The following RRP1 variants were observed in gnomAD, a reference collection of about 807,000 sequenced individuals.
The protein encoded by RRP1 is ribosomal RNA processing protein 1 homolog A.
Under a neutral mutation model 54.6 loss-of-function variants are expected in RRP1, and 37 were observed. The ratio of observed to expected loss-of-function variants is 0.68; its 90% CI spans 0.52 to 0.89. RRP1 has a LOEUF of 0.89. Among genes scored for constraint, RRP1 ranks in the 40% least tolerant of loss-of-function variants. The probability of loss-of-function intolerance (pLI) is 0.00; values close to 1 mark genes in which losing one functional copy is unlikely to be tolerated. For synonymous variants in RRP1, 262 were observed against 244.3 expected (o/e 1.07, Z -0.67); for missense variants, 639 against 612.5 (o/e 1.04, Z -0.46).
chr21:43,791,466 G>T, intron 2 of RRP1, 34 bp downstream of exon 2: 1 of 1,598,716 alleles, frequency 6.3e-7, no homozygotes. Context: ...AGGTACAGAA[G>T]CAGCGGGGGA....
chr21:43,791,548 G>GAA, intron 2 of RRP1, 116 bp downstream of exon 2: 2 of 931,982 alleles, frequency 2.1e-6, no homozygotes, highest in Non-Finnish European at 3.3e-6. Flanking sequence ...TGTTGCCCAG[G>GAA]CTGGAGTGCA....
rs752366383 is a variant in RRP1 at position 43,800,891 on chromosome 21, G to A, written c.1009+10G>A. The A allele has an allele frequency of 1.2e-5, 20 of 1,613,592 alleles. 1 individual carries two copies. Among genetic ancestry groups the A allele is most frequent in the Middle Eastern group, 1.6e-4 (1 of 6,084 alleles). The stretch of plus-strand genomic sequence containing the variant: ...CAGGACCTGGCAGGAGGTGAGGATC[G>A]GCCGGGCACTGACAGTGGCACCACC... On this transcript the variant is annotated intron_variant, in intron 11 of 12. Transcript: ENST00000497547.
Position 43,804,464 on chromosome 21 carries a change from ACCCTCAGCGTCCT to A in RRP1, c.*695_*707del, listed in dbSNP as rs1041199629. The A allele has an allele frequency of 6.6e-5, 10 of 152,224 alleles. No homozygotes were observed. The highest frequency in any genetic ancestry group is 2.4e-4 in the African/African-American group (10 of 41,394). 9.4% of individuals were successfully genotyped at this position (152,224 alleles called of 1,614,324 possible). A position where few individuals can be genotyped will look rare whatever the true frequency, so the allele number is the denominator to read the frequency against. On this transcript the variant is annotated 3_prime_UTR_variant, in exon 13 of 13. Transcript: ENST00000497547. This position sits in a 1 kb window ranked among gnomAD's most constrained non-coding sequence, Gnocchi z 4.3. ...CGCACCTCTTTCCCTCAGCCAGGTC[ACCCTCAGCGTCCT>A]CCCTGCCCCTCTCCCCTTCACACCT...
Position 43,791,369 on chromosome 21 carries a change from G to A in RRP1, c.153G>A (p.Glu51=), listed in dbSNP as rs1437384971. ...ATGCAGGTGGTTTTACGCACGACGAGCTGCTGAAGGTGTGGAAAGGACTGT... is the reference window on the plus strand; with the variant it reads ...ATGCAGGTGGTTTTACGCACGACGAACTGCTGAAGGTGTGGAAAGGACTGT... ...QRAAGGFTHD[E]LLKVWKGLFY... Residue 51 remains glutamate (E), a synonymous_variant, in exon 2 of 13, where the codon GAG becomes GAA. Coordinates refer to ENST00000497547, the MANE Select transcript of RRP1 (RefSeq NM_003683.6). 5 of 1,614,090 alleles carry A rather than the reference G, an allele frequency of 3.1e-6. No individual in the cohort carries two copies. The East Asian group carries it at 8.9e-5, about 29-fold the overall frequency.
intron 5 of RRP1, among the ~76,000 whole-genome samples, chr21:43,796,661 G>A (rs1032020448): frequency 1.3e-5 from 2 of 152,138 alleles, no homozygotes; most frequent in Non-Finnish European, 2.9e-5. Context: ...CCTCTGTCTC[G>A]TTTTTCCTGA....
chr21:43,797,405 G>C lies in RRP1; in HGVS notation c.423-17G>C. The stretch of plus-strand genomic sequence containing the variant: ...CTCATCGAGGCTGCCTGTCATGTTT[G>C]CTTTTTCTTTCCTCAGACAGATCGA... On this transcript the variant is annotated splice_polypyrimidine_tract_variant and intron_variant, in intron 5 of 12. Coordinates refer to ENST00000497547, the MANE Select transcript of RRP1 (RefSeq NM_003683.6). 1 of 1,602,464 alleles carries C rather than the reference G, an allele frequency of 6.2e-7. No homozygotes were observed. The highest frequency in any genetic ancestry group is 1.7e-5 in the Admixed American group (1 of 59,682).
Position 43,797,478 on chromosome 21 carries a change from A to G in RRP1, c.479A>G (p.Gln160Arg). The G allele has an allele frequency of 6.2e-7, 1 of 1,613,884 alleles. No homozygotes were observed. The highest frequency in any genetic ancestry group is 8.5e-7 in the Non-Finnish European group (1 of 1,179,992). ...ACTGAGATCCTGCACCCCAGCAGCCAGGCCCCCAACGGTGTGAAGAGCCAC... is the reference window on the plus strand; with the variant it reads ...ACTGAGATCCTGCACCCCAGCAGCCGGGCCCCCAACGGTGTGAAGAGCCAC... ...LMTEILHPSS[Q>R]APNGVKSHFI... is the part of the protein sequence containing the mutation. Residue 160 changes from glutamine to arginine, a missense_variant, in exon 6 of 13, where the codon CAG becomes CGG. Transcript: ENST00000497547.
chr21:43,791,078 A>G, intron 1 of RRP1: 1 of 563,038 alleles, frequency 1.8e-6, no homozygotes, highest in South Asian at 1.5e-5. Context: ...TGAATTTCCA[A>G]AATGGAGTAT....
intron 11 of RRP1, 86 bp downstream of exon 11, chr21:43,800,967 A>G: frequency 7.0e-7 from 1 of 1,419,198 alleles, no homozygotes; most frequent in Non-Finnish European, 9.9e-7. Flanking sequence ...TAGGGGTCTC[A>G]TAGCACGTGG....
chr21:43,792,135 G>A lies in RRP1; in HGVS notation c.217-537G>A, dbSNP rs2084966541. Reference sequence around the variant, plus strand: ...TGTGCTCTCCTTCAAAATCTCCTGGGTGGTGAGGGTACTTAGTTAAGTTCA... The same window carrying A: ...TGTGCTCTCCTTCAAAATCTCCTGGATGGTGAGGGTACTTAGTTAAGTTCA... On this transcript the variant is annotated intron_variant, in intron 2 of 12. Coordinates refer to ENST00000497547, the MANE Select transcript of RRP1 (RefSeq NM_003683.6). Among the ~76,000 whole-genome samples the A allele has an allele frequency of 4.6e-5, 7 of 152,214 alleles. No homozygotes were observed. The South Asian group carries it at 1.4e-3, about 31-fold the overall frequency.
Position 43,802,371 on chromosome 21 carries a change from G to C in RRP1, c.1107G>C (p.Arg369Ser), listed in dbSNP as rs1208351864. Residue 369 changes from arginine to serine, a missense_variant, in exon 12 of 13, where the codon AGG (arginine) becomes AGC (serine). By Grantham distance (110) the Arg-to-Ser change is moderately radical (BLOSUM62 -1). Transcript: ENST00000497547. ...KKTKKQKRLLRLQQERGKGEK... is the reference protein window; with the variant it reads ...KKTKKQKRLLSLQQERGKGEK... ...CGAAGAAGCAGAAGCGTCTGCTCAGGTTGCAGCAGGAGAGAGGTAGGACTA... is the reference window on the plus strand; with the variant it reads ...CGAAGAAGCAGAAGCGTCTGCTCAGCTTGCAGCAGGAGAGAGGTAGGACTA... 2.5e-6 allele frequency: 4 copies of C among 1,613,772 alleles called. No homozygotes were observed. The highest frequency in any genetic ancestry group is 3.4e-6 in the Non-Finnish European group (4 of 1,179,926).
rs750644934 is a variant in RRP1, at chr21:43,799,611, G to A, written c.853G>A (p.Ala285Thr). 1.2e-6 allele frequency: 2 copies of A among 1,612,284 alleles called. No homozygotes were observed. Among genetic ancestry groups the A allele is most frequent in the South Asian group, 2.2e-5 (2 of 90,520 alleles). Reference sequence around the variant, plus strand: ...TGAACCTGAGGCTGGTGAGGAGCAGGCAGGTGACGACAGGGACAGTGGCGG... The same window carrying A: ...TGAACCTGAGGCTGGTGAGGAGCAGACAGGTGACGACAGGGACAGTGGCGG... ...RAEPEAGEEQ[A>T]GDDRDSGGPV... Residue 285 changes from alanine (A) to threonine (T), a missense_variant, in exon 9 of 13, where the codon GCA (alanine) becomes ACA (threonine). Coordinates refer to ENST00000497547, the MANE Select transcript of RRP1 (RefSeq NM_003683.6).
chr21:43,795,716 T>G (rs893155756), intron 5 of RRP1, among the ~76,000 whole-genome samples: 3 of 152,234 alleles, frequency 2.0e-5, no homozygotes, highest in African/African-American at 7.2e-5. Flanking sequence ...GCCCACGTAA[T>G]TTTTGTATCT....
chr21:43,800,631 G>C lies in RRP1; in HGVS notation c.989+17G>C. 6.2e-7 allele frequency: 1 copy of C among 1,609,210 alleles called. No individual in the cohort carries two copies. Among genetic ancestry groups the C allele is most frequent in the Non-Finnish European group, 8.5e-7 (1 of 1,175,670 alleles). On this transcript the variant is annotated intron_variant, in intron 10 of 12. Coordinates refer to ENST00000497547, the MANE Select transcript of RRP1 (RefSeq NM_003683.6). ...GATCCGGAAGTGAGTGTGTGAGGGC[G>C]CTGCGTCCTCCCTGCTCCCCTTGGA... is the stretch of plus-strand genomic sequence containing the variant.
At chr21:43,802,432 T>C (rs1208682252) in intron 12 of RRP1, 45 bp downstream of exon 12, 2 of 1,496,124 alleles carry the variant, frequency 1.3e-6, no homozygotes, top group Non-Finnish European at 1.9e-6. Flanking sequence ...CGTCCTCACC[T>C]GCTTGCTTCT....
intron 2 of RRP1, among the ~76,000 whole-genome samples, 183 bp from the exon 3 acceptor site, chr21:43,792,489 C>T (rs2084970602): frequency 6.6e-6 from 1 of 152,192 alleles, no homozygotes; most frequent in South Asian, 2.1e-4. Context: ...CCTGTTGACC[C>T]TGGCTGTAGA....
chr21:43,798,754 A>T (rs1601872093), intron 8 of RRP1, among the ~76,000 whole-genome samples: 1 of 151,622 alleles, frequency 6.6e-6, no homozygotes, highest in East Asian at 1.9e-4. Flanking sequence ...TTGATGCTGC[A>T]CTCATTGTCC....
rs533139608 is a variant in RRP1, at chr21:43,793,223, G to A, written c.275-96G>A. ...TGGGCATCAGCATTTTTTATCTATA[G>A]CTATGTAAAGAACGGGTTCCTCCAT... On this transcript the variant is annotated intron_variant, in intron 3 of 12. Coordinates refer to ENST00000497547, the MANE Select transcript of RRP1 (RefSeq NM_003683.6). 1.2e-5 allele frequency: 12 copies of A among 1,041,432 alleles called. No individual in the cohort carries two copies. In the African/African-American group the frequency reaches 1.7e-4, roughly 15 times the overall value. The allele number at this position is 1,041,432 out of a possible 1,614,324, so 64.5% of individuals were successfully genotyped here.
Position 43,791,242 on chromosome 21 carries a change from C to T in RRP1, c.134-108C>T, listed in dbSNP as rs773729591. ...GATTCTGCCCCCCAGTTGCCTTTAC[C>T]GTAAGTGGGACTTTGGTCTCATTCA... On this transcript the variant is annotated intron_variant, in intron 1 of 12. Transcript: ENST00000497547. 35 of 1,162,504 alleles carry T rather than the reference C, an allele frequency of 3.0e-5. 1 individual carries two copies. Among genetic ancestry groups the T allele is most frequent in the African/African-American group, 1.5e-4 (10 of 66,196 alleles). 72.0% of individuals were successfully genotyped at this position (1,162,504 alleles called of 1,614,324 possible).
Sources: allele counts gnomAD v4.1 joint callset (sites outside exome capture counted in the v4.1 genomes callset), GRCh38; gene constraint gnomAD v4.1.1; non-coding constraint Gnocchi (gnomAD v3.1); transcripts MANE v1.5; gene names NCBI Gene and HGNC (gene_info 2026-07-23, HGNC 2026-07-21).